The following ZNF343 variants were observed in gnomAD, a reference collection of about 807,000 sequenced individuals.
ZNF343 encodes zinc finger protein 343.
In ZNF343, 11 loss-of-function variants were observed where a neutral mutation model predicts 13.8. The observed-to-expected ratio is 0.80, with a 90% CI of 0.50 to 1.32. The LOEUF (loss-of-function observed/expected upper bound fraction) is 1.32. Among genes scored for constraint, ZNF343 ranks in the 40% most tolerant of loss-of-function variants. The probability of loss-of-function intolerance (pLI) is 0.00; values close to 1 mark genes in which losing one functional copy is unlikely to be tolerated. For synonymous variants in ZNF343, 248 were observed against 260.0 expected (o/e 0.95, Z 0.44); for missense variants, 658 against 714.2 (o/e 0.92, Z 0.90).
chr20:2,484,612 C>T lies in ZNF343; in HGVS notation c.349G>A (p.Ala117Thr). The stretch of plus-strand genomic sequence containing the variant: ...CTGAGGAACTGCTGACAGGAGAAGG[C>T]CAGAAGGCAGGAGGAACAAGTGTAG... ...EIYTCSSCLL[A>T]FSCQQFLSQH... The change falls in exon 6 of 6, where the codon GCC becomes ACC. Residue 117 changes from alanine to threonine, a missense_variant. Transcript: ENST00000278772. 6.2e-7 allele frequency: 1 copy of T among 1,610,926 alleles called. No homozygotes were observed. The highest frequency in any genetic ancestry group is 1.3e-5 in the African/African-American group (1 of 74,918).
At position 2,518,322 on chromosome 20, in the gene ZNF343, G is replaced by A. The variant is rs1470613998; in HGVS notation, c.-347+6133C>T. On this transcript the variant is annotated intron_variant, in intron 1 of 6. Coordinates refer to the ZNF343 transcript ENST00000358413. This position sits in a 1 kb window ranked among gnomAD's most constrained non-coding sequence, Gnocchi z 4.6. The stretch of plus-strand genomic sequence containing the variant: ...GTGAGCCACCGCGCCCAGCCTCAAA[G>A]ATTTATTTCTATTTGGGAGAATTAT... Among the ~76,000 whole-genome samples the A allele has an allele frequency of 6.6e-6, 1 of 152,138 alleles. No individual in the cohort carries two copies. The highest frequency in any genetic ancestry group is 6.5e-5 in the Admixed American group (1 of 15,268).
chr20:2,504,140 T>C (rs2122705217), intron 1 of ZNF343, among the ~76,000 whole-genome samples: 1 of 152,116 alleles, frequency 6.6e-6, no homozygotes, highest in South Asian at 2.1e-4. Flanking sequence ...TCACCACTGA[T>C]CCCATAGAAA....
intron 5 of ZNF343, among the ~76,000 whole-genome samples, chr20:2,488,914 A>C (rs1034212448): frequency 6.6e-6 from 1 of 152,118 alleles, no homozygotes; most frequent in African/African-American, 2.4e-5. Flanking sequence ...GCATGGTGGC[A>C]TGCACCTGTA....
At position 2,493,510 on chromosome 20, in the gene ZNF343, C is replaced by A; in HGVS notation, c.177+9G>T. On this transcript the variant is annotated intron_variant, in intron 4 of 5. Transcript: ENST00000278772. Reference sequence around the variant, plus strand: ...TTCAGGAAAAAAAAAAAATGTAACCCCAACTCACCACTATTTGGGCCTTTC... The same window carrying A: ...TTCAGGAAAAAAAAAAAATGTAACCACAACTCACCACTATTTGGGCCTTTC... 1 of 1,613,318 alleles carries A rather than the reference C, an allele frequency of 6.2e-7. No individual in the cohort carries two copies. Among genetic ancestry groups the A allele is most frequent in the Non-Finnish European group, 8.5e-7 (1 of 1,179,392 alleles).
At chr20:2,522,350 A>AGCTTGTTTGCAAACACTCT (rs1453858299) in intron 1 of ZNF343, among the ~76,000 whole-genome samples, 1 of 152,130 alleles carries the variant, frequency 6.6e-6, no homozygotes, top group Non-Finnish European at 1.5e-5. Flanking sequence ...TCTGATTCTT[A>AGCTTGTTTGCAAACACTCT]GCTTGTTTGC....
Position 2,520,550 on chromosome 20 carries a change from C to T in ZNF343, c.-347+3905G>A, listed in dbSNP as rs143824605. On this transcript the variant is annotated intron_variant, in intron 1 of 6. Transcript: ENST00000358413. ...TTAATTATTCCTAAGAGCCTACAATCGCTTTTCAGAACAATGTCTGATTCT... is the reference window on the plus strand; with the variant it reads ...TTAATTATTCCTAAGAGCCTACAATTGCTTTTCAGAACAATGTCTGATTCT... Among the ~76,000 whole-genome samples the T allele has an allele frequency of 4.9e-3, 740 of 152,302 alleles. 5 individuals are homozygous for T. Among genetic ancestry groups the T allele is most frequent in the African/African-American group, 0.017 (695 of 41,570 alleles).
chr20:2,484,677 G>A (rs780769378), intron 5 of ZNF343, 21 bp from the exon 6 acceptor site: 3 of 1,563,928 alleles, frequency 1.9e-6, no homozygotes, highest in Non-Finnish European at 1.7e-6. Flanking sequence ...AAAGTTTTCT[G>A]TTAGAGTAGC....
rs932771356 is a variant in ZNF343, at chr20:2,508,642, C to T, written c.-237+239G>A. Among the ~76,000 whole-genome samples the T allele has an allele frequency of 5.9e-5, 9 of 152,200 alleles. No homozygotes were observed. The highest frequency in any genetic ancestry group is 7.3e-5 in the Non-Finnish European group (5 of 68,028). ...CATTAGAGTTCTAGGTCACTCTCGT[C>T]CCCCCGGGGGGAAAAAAGGTCCGCG... On this transcript the variant is annotated intron_variant, in intron 1 of 5. Transcript: ENST00000278772. The surrounding 1 kb of genome is among the most constrained non-coding windows in gnomAD (Gnocchi z 4.5).
chr20:2,489,730 T>G (rs1283311539), intron 5 of ZNF343, among the ~76,000 whole-genome samples: 1 of 152,188 alleles, frequency 6.6e-6, no homozygotes, highest in African/African-American at 2.4e-5. Context: ...CACAGTATTA[T>G]CTGGCCTAAG....
intron 1 of ZNF343, among the ~76,000 whole-genome samples, chr20:2,506,684 C>A (rs2085663190): frequency 1.3e-5 from 2 of 152,134 alleles, no homozygotes; most frequent in Non-Finnish European, 2.9e-5. Flanking sequence ...TCTCAGCAAA[C>A]TATCACAAGG....
intron 2 of ZNF343, among the ~76,000 whole-genome samples, chr20:2,498,603 T>A (rs1057147815): frequency 1.3e-5 from 2 of 152,194 alleles, no homozygotes; most frequent in African/African-American, 4.8e-5. Context: ...GAGAGATAAT[T>A]CAGATATTCA....
intron 1 of ZNF343, among the ~76,000 whole-genome samples, chr20:2,504,189 G>A (rs1191307842): frequency 1.3e-5 from 2 of 152,138 alleles, no homozygotes; most frequent in African/African-American, 2.4e-5. Flanking sequence ...ACACCTCTAC[G>A]CAAATAAACT....
chr20:2,491,038 A>C (rs2085359033), intron 5 of ZNF343, among the ~76,000 whole-genome samples: 1 of 152,192 alleles, frequency 6.6e-6, no homozygotes, highest in African/African-American at 2.4e-5. Context: ...ATATCAGGGA[A>C]ACAGCCACGC....
intron 1 of ZNF343, among the ~76,000 whole-genome samples, chr20:2,500,959 G>C (rs2085553234): frequency 6.6e-6 from 1 of 152,144 alleles, no homozygotes; most frequent in Non-Finnish European, 1.5e-5. Flanking sequence ...TCAGAAAGTG[G>C]GTGCAGGACA....
chr20:2,494,003 C>T lies in ZNF343; in HGVS notation c.-108G>A. On this transcript the variant is annotated 5_prime_UTR_variant, in exon 3 of 6. Coordinates refer to ENST00000278772, the MANE Select transcript of ZNF343 (RefSeq NM_024325.6). Reference sequence around the variant, plus strand: ...GCTGCCTGTGGTGACTTCTTCCAACCTTAATTATAAAAAGCCCAGCTTGTT... The same window carrying T: ...GCTGCCTGTGGTGACTTCTTCCAACTTTAATTATAAAAAGCCCAGCTTGTT... 1 of 791,590 alleles carries T rather than the reference C, an allele frequency of 1.3e-6. No individual in the cohort carries two copies. Among genetic ancestry groups the T allele is most frequent in the South Asian group, 1.5e-5 (1 of 65,644 alleles). 49.0% of individuals were successfully genotyped at this position (791,590 alleles called of 1,614,324 possible). A position where few individuals can be genotyped will look rare whatever the true frequency, so the allele number is the denominator to read the frequency against.
intron 1 of ZNF343, among the ~76,000 whole-genome samples, chr20:2,516,670 G>A (rs934521060): frequency 3.9e-5 from 6 of 152,038 alleles, no homozygotes; most frequent in Non-Finnish European, 8.8e-5. Flanking sequence ...GGGTGAAGGT[G>A]AGAGTGAGGG....
intron 1 of ZNF343, among the ~76,000 whole-genome samples, chr20:2,516,708 G>A (rs2085760948): frequency 6.6e-6 from 1 of 152,038 alleles, no homozygotes; most frequent in Non-Finnish European, 1.5e-5. Flanking sequence ...AGGATGAAAG[G>A]GAGATTGAGA....
At chr20:2,502,190 A>T (rs191057548) in intron 1 of ZNF343, among the ~76,000 whole-genome samples, 2 of 152,382 alleles carry the variant, frequency 1.3e-5, no homozygotes, top group Admixed American at 1.3e-4. Flanking sequence ...AGCCGACTTG[A>T]TCAACTGGAA....
In ZNF343 at chr20:2,483,587, C is replaced by T. The variant is rs763989415; in HGVS notation, c.1374G>A (p.Thr458=). ...DKSTLIIHER[T]HSGEKPYVCG... ...ACACATAAGGCTTCTCTCCAGAGTG[C>T]GTCCGCTCGTGTATGATGAGGGTTG... is the stretch of plus-strand genomic sequence containing the variant. Residue 458 remains threonine, a synonymous_variant, in exon 6 of 6, where the codon ACG becomes ACA. Transcript: ENST00000278772. 222 of 1,599,746 alleles carry T rather than the reference C, an allele frequency of 1.4e-4. 1 individual carries two copies. Among genetic ancestry groups the T allele is most frequent in the Admixed American group, 4.3e-4 (25 of 58,460 alleles).
Sources: allele counts gnomAD v4.1 joint callset (sites outside exome capture counted in the v4.1 genomes callset), GRCh38; gene constraint gnomAD v4.1.1; non-coding constraint Gnocchi (gnomAD v3.1); transcripts MANE v1.5; gene names NCBI Gene and HGNC (gene_info 2026-07-23, HGNC 2026-07-21).